Variants in EIPR1 observed in about 807,000 individuals in gnomAD.
EIPR1 encodes the protein EARP complex and GARP complex interacting protein 1.
In EIPR1, 25 loss-of-function variants were observed where a neutral mutation model predicts 48.1. That is an observed-to-expected ratio of 0.52 (90% CI 0.38 to 0.73). The LOEUF (loss-of-function observed/expected upper bound fraction) is 0.73. Ranked by LOEUF, EIPR1 falls within the 30% of genes least tolerant of loss-of-function variation. The pLI is 0.00. For missense variants in EIPR1, 415 were observed against 506.2 expected, an observed-to-expected ratio of 0.82 and a Z score of 1.73; for synonymous variants, 204 against 201.9, an observed-to-expected ratio of 1.01 and a Z score of -0.09.
At chr2:3,214,560 G>A (rs113784927) in intron 4 of EIPR1, 80 of 209,464 alleles carry the variant, frequency 3.8e-4, no homozygotes, top group African/African-American at 1.5e-3. Context: ...TTAAAATACC[G>A]TGAGCTGAAA....
intron 1 of EIPR1, among the ~76,000 whole-genome samples, chr2:3,370,072 G>A (rs541269857): frequency 3.9e-4 from 59 of 152,172 alleles, no homozygotes; most frequent in African/African-American, 1.3e-3. Flanking sequence ...AGCAACATTC[G>A]CGGATCACGA....
chr2:3,353,300 G>A (rs1445884322), intron 2 of EIPR1: 1 of 471,008 alleles, frequency 2.1e-6, no homozygotes. Flanking sequence ...GTCCTTTTTG[G>A]CCTATTTCCT....
intron 4 of EIPR1, among the ~76,000 whole-genome samples, chr2:3,253,791 A>G (rs545603456): frequency 2.0e-5 from 3 of 152,258 alleles, no homozygotes; most frequent in East Asian, 1.9e-4. Flanking sequence ...TGCTTGTTGG[A>G]GTGCTGAGAC....
chr2:3,212,651 T>C (rs1215996286), intron 5 of EIPR1, among the ~76,000 whole-genome samples: 6 of 152,224 alleles, frequency 3.9e-5, no homozygotes, highest in South Asian at 2.1e-4. Flanking sequence ...TGACCAGGAC[T>C]CTGCCAAATC....
intron 1 of EIPR1, among the ~76,000 whole-genome samples, chr2:3,361,211 T>C (rs1028154552): frequency 9.9e-5 from 15 of 152,274 alleles, no homozygotes; most frequent in African/African-American, 3.6e-4. Context: ...AGTCCAAGCC[T>C]TTCCACGTAG....
At chr2:3,353,402 C>G (rs1018833512) in intron 2 of EIPR1, 1 of 438,102 alleles carries the variant, frequency 2.3e-6, no homozygotes, top group African/African-American at 2.0e-5. Flanking sequence ...AACATCCCAC[C>G]AAATCATCTA....
intron 2 of EIPR1, among the ~76,000 whole-genome samples, chr2:3,346,326 G>A (rs945207580): frequency 2.0e-5 from 3 of 152,224 alleles, no homozygotes; most frequent in South Asian, 2.1e-4. Flanking sequence ...GCCAGGCATG[G>A]GGTTTCTGGA....
intron 7 of EIPR1, among the ~76,000 whole-genome samples, chr2:3,193,721 T>C (rs955923732): frequency 2.6e-5 from 4 of 152,244 alleles, no homozygotes; most frequent in Admixed American, 6.5e-5. Flanking sequence ...TTACAAATAA[T>C]GTTGCGTGAA....
chr2:3,345,395 T>A (rs1048441943), intron 2 of EIPR1, among the ~76,000 whole-genome samples: 1 of 151,116 alleles, frequency 6.6e-6, no homozygotes, highest in East Asian at 1.9e-4. Context: ...GATGGTGAGG[T>A]GGGTGGATCA....
chr2:3,371,924 T>A (rs1185993435), intron 1 of EIPR1, among the ~76,000 whole-genome samples: 2 of 152,000 alleles, frequency 1.3e-5, no homozygotes, highest in Non-Finnish European at 2.9e-5. Flanking sequence ...ATCAACAGAA[T>A]ATACATTTTT....
chr2:3,377,495 G>T, intron 1 of EIPR1, 153 bp downstream of exon 1: 1 of 988,654 alleles, frequency 1.0e-6, no homozygotes, highest in Non-Finnish European at 1.5e-6. Context: ...ACCTCCTAAA[G>T]CCTCAGTTTA....
intron 3 of EIPR1, among the ~76,000 whole-genome samples, chr2:3,295,825 T>C (rs1299593538): frequency 6.7e-5 from 4 of 59,702 alleles, no homozygotes; most frequent in Admixed American, 2.1e-4. Context: ...ATCCAGCCCA[T>C]CCTCTCCCTG....
At chr2:3,263,410 A>G (rs1453180520) in intron 3 of EIPR1, among the ~76,000 whole-genome samples, 1 of 152,198 alleles carries the variant, frequency 6.6e-6, no homozygotes, top group Non-Finnish European at 1.5e-5. Flanking sequence ...TCCGACACTT[A>G]GTCCAAGTAT....
At chr2:3,213,018 T>C (rs1196986924) in intron 5 of EIPR1, among the ~76,000 whole-genome samples, 2 of 152,178 alleles carry the variant, frequency 1.3e-5, no homozygotes, top group East Asian at 1.9e-4. Flanking sequence ...TCATTATTCA[T>C]ACCACCTCGT....
At position 3,294,738 on chromosome 2, in the gene EIPR1, CCT is replaced by C. The variant is rs142955864; in HGVS notation, c.260-37285_260-37284del. On this transcript the variant is annotated intron_variant, in intron 3 of 8. Transcript: ENST00000382125. The stretch of plus-strand genomic sequence containing the variant: ...CTACACACACCCTCCATCCAGCCAT[CCT>C]CTCTCTATACACATGCCTTCCATCC... 3.0e-3 allele frequency among the ~76,000 whole-genome samples: 397 copies of C among 132,594 alleles called. 2 individuals are homozygous for C. Among genetic ancestry groups the C allele is most frequent in the African/African-American group, 0.011 (377 of 34,662 alleles). 87.0% of individuals were successfully genotyped at this position (132,594 alleles called of 152,430 possible).
At chr2:3,283,618 A>G (rs1376037636) in intron 3 of EIPR1, among the ~76,000 whole-genome samples, 11 of 152,252 alleles carry the variant, frequency 7.2e-5, no homozygotes, top group Non-Finnish European at 1.5e-4. Flanking sequence ...GCCAGATACC[A>G]GCGAGCACCA....
chr2:3,292,027 A>C (rs1668379326), intron 3 of EIPR1, among the ~76,000 whole-genome samples: 2 of 152,236 alleles, frequency 1.3e-5, no homozygotes, highest in African/African-American at 4.8e-5. Context: ...ATGGCAGCCT[A>C]TGTCCACTGA....
chr2:3,228,844 G>T (rs116689509), intron 4 of EIPR1, among the ~76,000 whole-genome samples: 4,227 of 152,280 alleles, frequency 0.028, 77 homozygotes, highest in Non-Finnish European at 0.042. Context: ...GAAGGTGCCT[G>T]CTTCTTCTTT....
intron 3 of EIPR1, among the ~76,000 whole-genome samples, chr2:3,330,464 C>G (rs1485099652): frequency 6.6e-6 from 1 of 152,162 alleles, no homozygotes; most frequent in Non-Finnish European, 1.5e-5. Context: ...CAGAGTGTCG[C>G]CGAGGATGGT....
Sources: allele counts gnomAD v4.1 joint callset (sites outside exome capture counted in the v4.1 genomes callset), GRCh38; gene constraint gnomAD v4.1.1; transcripts MANE v1.5; gene names NCBI Gene and HGNC (gene_info 2026-07-23, HGNC 2026-07-21).